Variants in CSMD1 observed in about 807,000 individuals in gnomAD.
CSMD1 encodes the protein CUB and Sushi multiple domains 1.
Under a neutral mutation model 417.5 loss-of-function variants are expected in CSMD1, and 213 were observed. The observed-to-expected ratio is 0.51, with a 90% CI of 0.46 to 0.57. The LOEUF is 0.57. Among genes scored for constraint, CSMD1 ranks in the 20% least tolerant of loss-of-function variants. The pLI is 0.00. For synonymous variants in CSMD1, 2,862 were observed against 1,736.8 expected (o/e 1.65, Z -16.11); for missense variants, 6,923 against 4,529.7 (o/e 1.53, Z -15.17).
At position 4,540,912 on chromosome 8, in the gene CSMD1, T is replaced by C. The variant is rs534146339; in HGVS notation, c.302+96430A>G. ...TCTGCTAGTCTGCTATTTAATTTTA[T>C]GAGGCTGTAGACTAAACTGAACAGC... On this transcript the variant is annotated intron_variant, in intron 2 of 69. Transcript: ENST00000635120. Among the ~76,000 whole-genome samples the C allele has an allele frequency of 3.3e-5, 5 of 152,316 alleles. No homozygotes were observed. In the East Asian group the frequency reaches 9.7e-4, roughly 29 times the overall value.
chr8:3,159,032 A>C (rs1819717065), intron 38 of CSMD1, among the ~76,000 whole-genome samples: 1 of 152,218 alleles, frequency 6.6e-6, no homozygotes, highest in South Asian at 2.1e-4. Flanking sequence ...AGTTACAGTA[A>C]AGAAGACCAT....
At chr8:4,321,449 T>C (rs543708796) in intron 3 of CSMD1, among the ~76,000 whole-genome samples, 4 of 152,284 alleles carry the variant, frequency 2.6e-5, no homozygotes, top group Admixed American at 2.6e-4. Context: ...TTGGGAATCT[T>C]ACCTTATCAC....
At chr8:4,051,826 C>T (rs1468425993) in intron 3 of CSMD1, among the ~76,000 whole-genome samples, 2 of 150,454 alleles carry the variant, frequency 1.3e-5, no homozygotes, top group African/African-American at 4.9e-5. Context: ...TCTTCTCTTT[C>T]TTCTCTTTCT....
intron 47 of CSMD1, among the ~76,000 whole-genome samples, chr8:3,095,050 CAGG>C (rs1373976796): frequency 1.3e-5 from 2 of 152,076 alleles, no homozygotes; most frequent in East Asian, 1.9e-4. Context: ...TCCAAATTTG[CAGG>C]AGATCAAATT....
intron 18 of CSMD1, among the ~76,000 whole-genome samples, chr8:3,375,946 G>T (rs1235224214): frequency 2.0e-5 from 3 of 152,098 alleles, no homozygotes; most frequent in Non-Finnish European, 2.9e-5. Context: ...TCTTAAAGAT[G>T]TATCTCCAAA....
intron 67 of CSMD1, 148 bp downstream of exon 67, chr8:2,950,083 A>G (rs1802521070): frequency 1.7e-6 from 1 of 591,208 alleles, no homozygotes; most frequent in Non-Finnish European, 3.1e-6. Flanking sequence ...TAAAATGGCC[A>G]CTCTGTCAAG....
intron 5 of CSMD1, among the ~76,000 whole-genome samples, chr8:3,807,514 C>A (rs766079309): frequency 6.6e-6 from 1 of 152,080 alleles, no homozygotes. Flanking sequence ...ATTACCAGGG[C>A]AGAGCTTCAA....
chr8:3,283,076 C>G (rs2068160), intron 26 of CSMD1, among the ~76,000 whole-genome samples: 109,311 of 151,646 alleles, frequency 0.72, 40,373 homozygotes, highest in Admixed American at 0.82. Flanking sequence ...GCAAAAATGG[C>G]AACTATCTTT....
intron 2 of CSMD1, among the ~76,000 whole-genome samples, chr8:4,548,036 T>C (rs1797706762): frequency 6.6e-6 from 1 of 152,158 alleles, no homozygotes; most frequent in South Asian, 2.1e-4. Flanking sequence ...CATTGTGGGT[T>C]ACAGCCAACC....
At chr8:4,920,452 C>G (rs1010165046) in intron 1 of CSMD1, among the ~76,000 whole-genome samples, 1 of 152,120 alleles carries the variant, frequency 6.6e-6, no homozygotes, top group Non-Finnish European at 1.5e-5. Flanking sequence ...GTTTTGAAAA[C>G]AAAAGTATAT....
At chr8:4,581,988 C>G (rs1256230297) in intron 2 of CSMD1, among the ~76,000 whole-genome samples, 1 of 152,060 alleles carries the variant, frequency 6.6e-6, no homozygotes, top group Non-Finnish European at 1.5e-5. Flanking sequence ...ACGACGATGG[C>G]TAAAATCTCA....
chr8:3,398,835 G>C (rs780790282), intron 16 of CSMD1, among the ~76,000 whole-genome samples: 1 of 152,132 alleles, frequency 6.6e-6, no homozygotes, highest in Non-Finnish European at 1.5e-5. Flanking sequence ...ACGCAGCCCA[G>C]CATGCTTATT....
chr8:3,138,042 TG>T (rs1156629268), intron 41 of CSMD1, among the ~76,000 whole-genome samples: 1 of 152,084 alleles, frequency 6.6e-6, no homozygotes, highest in African/African-American at 2.4e-5. Context: ...CTGGCCAACA[TG>T]GGTGAAACCC....
chr8:3,142,709 T>C (rs369883625), intron 40 of CSMD1, 35 bp from the exon 41 acceptor site: 5 of 1,492,046 alleles, frequency 3.4e-6, no homozygotes, highest in East Asian at 2.3e-5. Context: ...TGAAAGTTCA[T>C]ATCAAAATGT....
rs112217207 is a variant in CSMD1 at position 3,601,374 on chromosome 8, T to A, written c.1098-15114A>T. Among the ~76,000 whole-genome samples the A allele has an allele frequency of 3.8e-3, 581 of 152,348 alleles. 4 individuals are homozygous for A. The highest frequency in any genetic ancestry group is 0.013 in the African/African-American group (553 of 41,574). Reference sequence around the variant, plus strand: ...AGATACTGAAAGTGTTTTCCAACGATGAGGTTTCCATATACATTATCAGAC... The same window carrying A: ...AGATACTGAAAGTGTTTTCCAACGAAGAGGTTTCCATATACATTATCAGAC... On this transcript the variant is annotated intron_variant, in intron 8 of 69. Coordinates refer to ENST00000635120, the MANE Select transcript of CSMD1 (RefSeq NM_033225.6).
intron 10 of CSMD1, among the ~76,000 whole-genome samples, chr8:3,534,773 T>C (rs576076705): frequency 7.9e-5 from 12 of 152,330 alleles, no homozygotes; most frequent in African/African-American, 2.6e-4. Flanking sequence ...AAAGCTAAGA[T>C]TACTTTATTT....
At chr8:4,391,387 T>C (rs547186937) in intron 3 of CSMD1, among the ~76,000 whole-genome samples, 2 of 152,146 alleles carry the variant, frequency 1.3e-5, no homozygotes, top group African/African-American at 2.4e-5. Context: ...GAAAAAGTGA[T>C]GTAAGACTTT....
At chr8:3,961,521 T>C (rs760608623) in intron 5 of CSMD1, among the ~76,000 whole-genome samples, 1 of 152,186 alleles carries the variant, frequency 6.6e-6, no homozygotes, top group Admixed American at 6.6e-5. Flanking sequence ...TGTTCTTGCT[T>C]TGTGAAGACA....
At chr8:4,272,276 C>A (rs1400482533) in intron 3 of CSMD1, among the ~76,000 whole-genome samples, 1 of 152,102 alleles carries the variant, frequency 6.6e-6, no homozygotes, top group Non-Finnish European at 1.5e-5. Flanking sequence ...TTTAAGAAAA[C>A]TTATAAATAG....
Sources: gnomAD v4.1 joint callset for allele counts (sites outside exome capture counted in the v4.1 genomes callset) on GRCh38, gnomAD v4.1.1 for gene constraint, MANE v1.5 for transcripts, NCBI Gene and HGNC (gene_info 2026-07-23, HGNC 2026-07-21) for gene names.